The following GSE1 variants were observed in gnomAD, a reference collection of about 807,000 sequenced individuals.
GSE1 encodes the protein genetic suppressor element 1.
GSE1 carries 32 observed loss-of-function variants against 112.6 expected under a neutral mutation model. The ratio of observed to expected loss-of-function variants is 0.28; its 90% confidence interval spans 0.21 to 0.38. The LOEUF is 0.38. GSE1 is among the 10% of genes least tolerant of loss of function. GSE1 has a pLI of 1.00. For synonymous variants in GSE1, 1,115 were observed against 735.6 expected (o/e 1.52, Z -8.35); for missense variants, 2,348 against 1,699.2 (o/e 1.38, Z -6.71).
At chr16:85,563,987 C>T (rs1028611721) in intron 1 of GSE1, among the ~76,000 whole-genome samples, 3 of 152,244 alleles carry the variant, frequency 2.0e-5, no homozygotes, top group African/African-American at 2.4e-5. Flanking sequence ...AAGCACCTCC[C>T]GTCAGGCCCC....
At chr16:85,558,816 G>A (rs1480042072) in intron 1 of GSE1, among the ~76,000 whole-genome samples, 1 of 152,206 alleles carries the variant, frequency 6.6e-6, no homozygotes, top group Non-Finnish European at 1.5e-5. Context: ...GCTTCCCAGG[G>A]CTGGGGTTAA....
intron 1 of GSE1, among the ~76,000 whole-genome samples, chr16:85,229,056 A>C (rs1220671324): frequency 1.3e-5 from 2 of 152,220 alleles, no homozygotes; most frequent in Non-Finnish European, 2.9e-5. Context: ...CATCCCCACC[A>C]AGGAGGAAAC....
At chr16:85,464,956 G>A (rs2050083024) in intron 2 of GSE1, among the ~76,000 whole-genome samples, 1 of 152,216 alleles carries the variant, frequency 6.6e-6, no homozygotes, top group South Asian at 2.1e-4. Context: ...GGAGGGCACT[G>A]GCTTCGTGCC....
chr16:85,509,847 G>A (rs1256362795), intron 2 of GSE1, among the ~76,000 whole-genome samples: 1 of 151,940 alleles, frequency 6.6e-6, no homozygotes, highest in Non-Finnish European at 1.5e-5. Context: ...GTGTTTGGAA[G>A]GGATAGGAGA....
At position 85,272,422 on chromosome 16, in the gene GSE1, A is replaced by G. The variant is rs541869797; in HGVS notation, c.2284-85041A>G. Among the ~76,000 whole-genome samples the G allele has an allele frequency of 6.6e-5, 10 of 151,698 alleles. No homozygotes were observed. In the South Asian group the frequency reaches 1.7e-3, roughly 25 times the overall value. ...GGTTTTGTTTCTACTTATTGGGTGA[A>G]TGCTGACAGTTTCTATTTTCCTGGA... On this transcript the variant is annotated intron_variant, in intron 1 of 2. Coordinates refer to the GSE1 transcript ENST00000637419.
intron 1 of GSE1, among the ~76,000 whole-genome samples, chr16:85,568,899 G>A (rs186974724): frequency 1.2e-4 from 19 of 152,286 alleles, no homozygotes; most frequent in Middle Eastern, 3.4e-3. Context: ...AGAAGGAGCC[G>A]GAAGCTCCCA....
chr16:85,272,833 A>C (rs1287575474), intron 1 of GSE1, among the ~76,000 whole-genome samples: 1 of 149,472 alleles, frequency 6.7e-6, no homozygotes, highest in South Asian at 2.1e-4. Context: ...CTGGAGTGCA[A>C]TGACATGATC....
chr16:85,633,013 TGCCGCC>T lies in GSE1; in HGVS notation c.8-889_8-884del, dbSNP rs71153808. 8.8e-4 allele frequency among the ~76,000 whole-genome samples: 129 copies of T among 146,210 alleles called. 1 individual carries two copies. Among genetic ancestry groups the T allele is most frequent in the African/African-American group, 3.4e-3 (123 of 36,532 alleles). The stretch of plus-strand genomic sequence containing the variant: ...GCTGCCCCTGGGCTCAGACCTCTGG[TGCCGCC>T]GCCGCCGCCGCTGTCACCACTGGCC... On this transcript the variant is annotated intron_variant, in intron 1 of 15. Coordinates refer to ENST00000253458, the MANE Select transcript of GSE1 (RefSeq NM_014615.5).
At chr16:85,246,340 A>C (rs1344377507) in intron 1 of GSE1, among the ~76,000 whole-genome samples, 1 of 60,154 alleles carries the variant, frequency 1.7e-5, no homozygotes, top group Non-Finnish European at 3.3e-5. Context: ...CACCCCCCAC[A>C]CGCTGTCTAC....
At chr16:85,388,644 GTGGATGGATGGA>G (rs113197005) in intron 2 of GSE1, among the ~76,000 whole-genome samples, 71 of 149,070 alleles carry the variant, frequency 4.8e-4, no homozygotes, top group African/African-American at 1.2e-3. Flanking sequence ...AGGTGTGTGG[GTGGATGGATGGA>G]TGGATGGATG....
intron 2 of GSE1, among the ~76,000 whole-genome samples, chr16:85,427,994 G>C (rs1234536458): frequency 6.6e-6 from 1 of 152,206 alleles, no homozygotes; most frequent in African/African-American, 2.4e-5. Context: ...GCACATTACA[G>C]TTGGACCCAG....
intron 1 of GSE1, among the ~76,000 whole-genome samples, chr16:85,270,893 G>C (rs1908763298): frequency 6.6e-6 from 1 of 152,174 alleles, no homozygotes; most frequent in African/African-American, 2.4e-5. Flanking sequence ...TGGAAAGAAG[G>C]CACCCGGTGC....
chr16:85,665,306 C>T (rs1426137138), intron 12 of GSE1, among the ~76,000 whole-genome samples, 178 bp downstream of exon 12: 1 of 151,946 alleles, frequency 6.6e-6, no homozygotes, highest in Non-Finnish European at 1.5e-5. Flanking sequence ...TGGGACGGAA[C>T]GTCAGTTTGA....
intron 1 of GSE1, among the ~76,000 whole-genome samples, chr16:85,562,554 C>T (rs960393683): frequency 1.3e-5 from 2 of 152,330 alleles, no homozygotes; most frequent in African/African-American, 4.8e-5. Flanking sequence ...GGCAAGAATG[C>T]GTGTCCTTCT....
chr16:85,630,044 A>T (rs1384308862), intron 1 of GSE1, among the ~76,000 whole-genome samples: 2 of 152,212 alleles, frequency 1.3e-5, no homozygotes. Context: ...TCAGAAGGCC[A>T]GCCTGGGGCT....
At chr16:85,349,798 A>G (rs192394155) in intron 1 of GSE1, among the ~76,000 whole-genome samples, 101 of 152,242 alleles carry the variant, frequency 6.6e-4, no homozygotes, top group Non-Finnish European at 1.1e-3. Flanking sequence ...TGCTCTTGAG[A>G]TAAATCAGCC....
At chr16:85,507,610 G>A (rs554724968) in intron 2 of GSE1, among the ~76,000 whole-genome samples, 1 of 152,292 alleles carries the variant, frequency 6.6e-6, no homozygotes. Context: ...GGGGCCCCTC[G>A]CCTTGGTGTG....
intron 2 of GSE1, among the ~76,000 whole-genome samples, chr16:85,478,839 TTTTCTTTCTTTC>T (rs59687856): frequency 0.041 from 4,205 of 102,586 alleles, 314 homozygotes; most frequent in East Asian, 0.053. Context: ...CGCTCATTTA[TTTTCTTTCTTTC>T]TTTCTTTCTT....
At chr16:85,521,247 C>T (rs1330475756) in intron 2 of GSE1, among the ~76,000 whole-genome samples, 2 of 152,198 alleles carry the variant, frequency 1.3e-5, no homozygotes, top group Non-Finnish European at 2.9e-5. Flanking sequence ...AGCTGGTTTT[C>T]TGTTTAGATT....
Sources: gnomAD v4.1 joint callset for allele counts (sites outside exome capture counted in the v4.1 genomes callset) on GRCh38, gnomAD v4.1.1 for gene constraint, MANE v1.5 for transcripts, NCBI Gene and HGNC (gene_info 2026-07-23, HGNC 2026-07-21) for gene names.